The following OPCML variants were observed in gnomAD, a reference collection of about 807,000 sequenced individuals.
OPCML encodes opioid binding protein/cell adhesion molecule like.
A neutral mutation model predicts 37.8 loss-of-function variants in OPCML; 13 were observed. That is an observed-to-expected ratio of 0.34 (90% CI 0.22 to 0.55). OPCML has a LOEUF of 0.55. Among genes scored for constraint, OPCML ranks in the 20% least tolerant of loss-of-function variants. The pLI, the probability that OPCML is intolerant of heterozygous loss-of-function variation, is 0.91. For synonymous variants in OPCML, 176 were observed against 168.8 expected, an observed-to-expected ratio of 1.04 and a Z score of -0.33; for missense variants, 341 against 435.6, an observed-to-expected ratio of 0.78 and a Z score of 1.93.
At chr11:132,822,464 A>T (rs1402519102) in intron 2 of OPCML, among the ~76,000 whole-genome samples, 2 of 152,206 alleles carry the variant, frequency 1.3e-5, no homozygotes, top group Admixed American at 1.3e-4. Context: ...GAAATATAAG[A>T]GAAAGGCTTT....
chr11:133,171,043 G>A (rs2136268677), intron 1 of OPCML, among the ~76,000 whole-genome samples: 1 of 152,300 alleles, frequency 6.6e-6, no homozygotes, highest in Non-Finnish European at 1.5e-5. Context: ...CCTTGGCTGT[G>A]GAGACCTCAC....
chr11:132,488,896 G>C (rs543326987), intron 4 of OPCML, among the ~76,000 whole-genome samples: 14 of 152,294 alleles, frequency 9.2e-5, no homozygotes, highest in African/African-American at 3.4e-4. Context: ...ACATAGGTCA[G>C]ACCATGCTGG....
At chr11:133,528,597 T>G (rs962396908) in intron 1 of OPCML, among the ~76,000 whole-genome samples, 7 of 152,284 alleles carry the variant, frequency 4.6e-5, no homozygotes, top group Admixed American at 2.6e-4. Context: ...AACTCAAGAT[T>G]TGGGGACTTC....
At chr11:132,535,465 G>GGCT (rs1370557907) in intron 3 of OPCML, among the ~76,000 whole-genome samples, 3 of 152,116 alleles carry the variant, frequency 2.0e-5, no homozygotes, top group Non-Finnish European at 4.4e-5. Context: ...ATGCAGAGGT[G>GGCT]GCTGCTGCTG....
intron 1 of OPCML, among the ~76,000 whole-genome samples, chr11:133,287,811 A>G (rs1215657336): frequency 6.6e-6 from 1 of 152,150 alleles, no homozygotes; most frequent in Non-Finnish European, 1.5e-5. Flanking sequence ...CCATGAAGGA[A>G]AACTGGAGAA....
intron 2 of OPCML, among the ~76,000 whole-genome samples, chr11:132,796,745 T>C (rs1361414208): frequency 6.6e-6 from 1 of 151,836 alleles, no homozygotes; most frequent in Non-Finnish European, 1.5e-5. Flanking sequence ...GCCCGGCTAA[T>C]TTTTTGTATT....
intron 2 of OPCML, among the ~76,000 whole-genome samples, chr11:132,765,086 G>A (rs1471005010): frequency 1.3e-5 from 2 of 152,182 alleles, no homozygotes; most frequent in Non-Finnish European, 1.5e-5. Flanking sequence ...CTCTCCCCAA[G>A]AAAGGCCACA....
At chr11:133,409,488 A>G (rs71477443) in intron 1 of OPCML, among the ~76,000 whole-genome samples, 3,422 of 152,328 alleles carry the variant, frequency 0.022, 43 homozygotes, top group Non-Finnish European at 0.027. Flanking sequence ...TTTAAGCATC[A>G]TCGACAAATG....
At chr11:132,540,415 G>A (rs1565649079) in intron 3 of OPCML, among the ~76,000 whole-genome samples, 1 of 152,176 alleles carries the variant, frequency 6.6e-6, no homozygotes, top group South Asian at 2.1e-4. Flanking sequence ...GAGATTTTCA[G>A]AAAAATACAA....
chr11:132,695,034 G>A (rs915951460), intron 2 of OPCML, among the ~76,000 whole-genome samples: 2 of 152,164 alleles, frequency 1.3e-5, no homozygotes, highest in Admixed American at 1.3e-4. Context: ...ACTCCTACTG[G>A]GTTCAAACAC....
At chr11:133,284,487 G>A (rs1047377146) in intron 1 of OPCML, among the ~76,000 whole-genome samples, 1 of 152,230 alleles carries the variant, frequency 6.6e-6, no homozygotes, top group Admixed American at 6.5e-5. Context: ...TGCCTTCTTC[G>A]TGAGACAGCA....
intron 2 of OPCML, among the ~76,000 whole-genome samples, chr11:132,797,728 G>T (rs776992060): frequency 3.3e-5 from 5 of 152,046 alleles, no homozygotes; most frequent in Non-Finnish European, 7.4e-5. Context: ...CAGTAGAAAA[G>T]AAAACATAAA....
chr11:132,774,462 A>G (rs1946746991), intron 2 of OPCML, among the ~76,000 whole-genome samples: 1 of 152,172 alleles, frequency 6.6e-6, no homozygotes, highest in African/African-American at 2.4e-5. Flanking sequence ...AGTGGGACAT[A>G]GTGCTGGAAA....
At chr11:133,193,510 G>A (rs182957858) in intron 1 of OPCML, among the ~76,000 whole-genome samples, 32 of 152,308 alleles carry the variant, frequency 2.1e-4, no homozygotes, top group Middle Eastern at 3.4e-3. Flanking sequence ...TGCCACAGGA[G>A]TTGAATGACC....
intron 4 of OPCML, among the ~76,000 whole-genome samples, chr11:132,501,327 G>C (rs1012921630): frequency 1.3e-5 from 2 of 152,144 alleles, no homozygotes; most frequent in Non-Finnish European, 2.9e-5. Flanking sequence ...ATGAGCAAAG[G>C]TTTCATAACT....
intron 1 of OPCML, chr11:133,418,472 T>C: frequency 2.0e-6 from 2 of 985,288 alleles, no homozygotes; most frequent in Non-Finnish European, 2.4e-6. Flanking sequence ...TATCTGTGGT[T>C]GGGTAAAAGA....
Position 133,355,131 on chromosome 11 carries a change from AACTG to A in OPCML, c.61+177129_61+177132del, listed in dbSNP as rs151205218. 9.6e-4 allele frequency among the ~76,000 whole-genome samples: 146 copies of A among 152,350 alleles called. No homozygotes were observed. In the East Asian group the frequency reaches 0.016, roughly 17 times the overall value. ...AATACAAGGTTAAGGGCTTTCAGTT[AACTG>A]ACTAAGAGGAGAGTTCTACAAATTT... On this transcript the variant is annotated intron_variant, in intron 1 of 7. Coordinates refer to ENST00000524381, the MANE Select transcript of OPCML (RefSeq NM_001012393.5).
At chr11:132,587,047 C>CAGA (rs2096474335) in intron 3 of OPCML, among the ~76,000 whole-genome samples, 1 of 152,144 alleles carries the variant, frequency 6.6e-6, no homozygotes, top group South Asian at 2.1e-4. Flanking sequence ...GACTGAGATC[C>CAGA]AGAATAGAAA....
At chr11:133,384,479 G>A (rs1051135992) in intron 1 of OPCML, among the ~76,000 whole-genome samples, 6 of 151,930 alleles carry the variant, frequency 3.9e-5, no homozygotes, top group African/African-American at 1.5e-4. Flanking sequence ...AAAAATAAAG[G>A]GCCAACCCAA....
Sources: allele counts gnomAD v4.1 joint callset (sites outside exome capture counted in the v4.1 genomes callset), GRCh38; gene constraint gnomAD v4.1.1; transcripts MANE v1.5; gene names NCBI Gene and HGNC (gene_info 2026-07-23, HGNC 2026-07-21).